The following PNPLA6 variants were observed in gnomAD, a reference collection of about 807,000 sequenced individuals.
PNPLA6 encodes patatin-like phospholipase domain-containing protein 6.
Under a neutral mutation model 153.7 loss-of-function variants are expected in PNPLA6, and 105 were observed. That is an observed-to-expected ratio of 0.68 (90% CI 0.58 to 0.80). PNPLA6 has a LOEUF of 0.80. Ranked by LOEUF, PNPLA6 falls within the 30% of genes least tolerant of loss-of-function variation. The pLI is 0.00. For missense variants in PNPLA6, 1,423 were observed against 1,919.3 expected (o/e 0.74, Z 4.83); for synonymous variants, 825 against 822.2 (o/e 1.00, Z -0.06).
At position 7,557,160 on chromosome 19, in the gene PNPLA6, C is replaced by G; in HGVS notation, c.3281-8C>G. 1 of 1,601,944 alleles carries G rather than the reference C, an allele frequency of 6.2e-7. No individual in the cohort carries two copies. The highest frequency in any genetic ancestry group is 2.2e-5 in the East Asian group (1 of 44,834). ...TGCGTGTTTGTGTCTGTGTGTCCCA[C>G]CGCGCAGGCTCCCTGTGGCGGTACG... On this transcript the variant is annotated splice_region_variant and splice_polypyrimidine_tract_variant and intron_variant, in intron 26 of 31. Coordinates refer to ENST00000600737, the MANE Select transcript of PNPLA6 (RefSeq NM_001166114.2).
Position 7,542,676 on chromosome 19 carries a change from G to T in PNPLA6, c.1362+6G>T, listed in dbSNP as rs1410225527. ...CCCTGGCAGCCCCCGCTCGGGTAAG[G>T]CTTGGGACCCTGCCCGGTGGTGGAG... is the stretch of plus-strand genomic sequence containing the variant. On this transcript the variant is annotated splice_donor_region_variant and intron_variant, in intron 11 of 31. Transcript: ENST00000600737. 2 of 1,612,830 alleles carry T rather than the reference G, an allele frequency of 1.2e-6. No homozygotes were observed. The highest frequency in any genetic ancestry group is 8.5e-7 in the Non-Finnish European group (1 of 1,179,738).
Position 7,541,274 on chromosome 19 carries a change from C to A in PNPLA6, c.925-80C>A. 7.6e-7 allele frequency: 1 copy of A among 1,321,358 alleles called. No individual in the cohort carries two copies. The highest frequency in any genetic ancestry group is 1.1e-6 in the Non-Finnish European group (1 of 932,366). 81.9% of individuals were successfully genotyped at this position (1,321,358 alleles called of 1,614,324 possible). ...CCTGGTTCCCGCCCGACCCCTTATG[C>A]TGCGAACTAGCCCGGCCCACCATCT... is the stretch of plus-strand genomic sequence containing the variant. On this transcript the variant is annotated intron_variant, in intron 7 of 31. Transcript: ENST00000600737. This position sits in a 1 kb window ranked among gnomAD's most constrained non-coding sequence, Gnocchi z 5.2.
At chr19:7,542,142 T>G (rs1156404026) in intron 10 of PNPLA6, 75 bp downstream of exon 10, 1 of 1,192,968 alleles carries the variant, frequency 8.4e-7, no homozygotes, top group Non-Finnish European at 1.2e-6. Context: ...CTGCCTGTCT[T>G]GATTGTTTTA....
At chr19:7,552,852 C>G (rs116049537) in intron 18 of PNPLA6, among the ~76,000 whole-genome samples, 63,642 of 150,464 alleles carry the variant, frequency 0.42, 14,127 homozygotes, top group South Asian at 0.56. Context: ...GGTCATCTTG[C>G]CGTGTGGCTG....
intron 18 of PNPLA6, 112 bp downstream of exon 18, chr19:7,551,549 A>G: frequency 2.1e-6 from 2 of 945,076 alleles, no homozygotes; most frequent in South Asian, 2.7e-5. Context: ...TTCCGCGAAG[A>G]AATCGTGCCC....
At chr19:7,548,837 C>T (rs1455449209) in intron 13 of PNPLA6, among the ~76,000 whole-genome samples, 2 of 142,706 alleles carry the variant, frequency 1.4e-5, no homozygotes, top group Non-Finnish European at 3.0e-5. Flanking sequence ...GAGTCTCGCT[C>T]AGTCGCCCAG....
upstream of PNPLA6, chr19:7,534,902 C>G (rs1476288838): frequency 6.2e-6 from 1 of 160,340 alleles, no homozygotes. Flanking sequence ...TCTTCTGAAA[C>G]GTGGGTATCA....
intron 13 of PNPLA6, among the ~76,000 whole-genome samples, chr19:7,544,641 C>T (rs1490039973): frequency 6.6e-6 from 1 of 152,018 alleles, no homozygotes; most frequent in Non-Finnish European, 1.5e-5. Flanking sequence ...ACTGGGACCC[C>T]AGCTCTGCCC....
At chr19:7,535,466 AT>A, upstream of PNPLA6, 1 of 1,409,642 alleles carries the variant, frequency 7.1e-7, no homozygotes, top group East Asian at 2.5e-5. This position sits in a 1 kb window ranked among gnomAD's most constrained non-coding sequence, Gnocchi z 5.0. Flanking sequence ...GTGGGCCCAG[AT>A]TGACGACTTG....
intron 24 of PNPLA6, 142 bp from the exon 25 acceptor site, chr19:7,556,311 C>T: frequency 1.3e-6 from 1 of 756,172 alleles, no homozygotes; most frequent in Non-Finnish European, 2.4e-6. Flanking sequence ...GATCTGCCCG[C>T]CTTGGCCTCC....
chr19:7,535,866 C>T lies in PNPLA6; in HGVS notation c.78C>T (p.Val26=), dbSNP rs762007910. The part of the protein sequence containing the change: ...KVAERDGFQD[V]LAPGEGSAGR... ...CGGAGAGGGATGGGTTCCAGGACGTCCTGGCGCCCGGGGAAGGCTCGGCGG... is the reference window on the plus strand; with the variant it reads ...CGGAGAGGGATGGGTTCCAGGACGTTCTGGCGCCCGGGGAAGGCTCGGCGG... The change falls in exon 1 of 32, where the codon GTC becomes GTT. Residue 26 remains valine (V), a synonymous_variant. Coordinates refer to ENST00000600737, the MANE Select transcript of PNPLA6 (RefSeq NM_001166114.2). The surrounding 1 kb of genome is among the most constrained non-coding windows in gnomAD (Gnocchi z 5.0). The T allele has an allele frequency of 2.1e-5, 32 of 1,540,294 alleles. No homozygotes were observed. The highest frequency in any genetic ancestry group is 4.1e-5 in the African/African-American group (3 of 73,406).
At chr19:7,554,059 G>GGGGGGGGGGGGC in intron 19 of PNPLA6, 44 bp downstream of exon 19, 1 of 1,534,078 alleles carries the variant, frequency 6.5e-7, no homozygotes, top group Non-Finnish European at 8.9e-7. Context: ...CGGTGGGTGG[G>GGGGGGGGGGGGC]ACATTAGTGA....
intron 14 of PNPLA6, 63 bp from the exon 15 acceptor site, chr19:7,550,221 CCCCAGATCTGGCCT>C (rs1335549726): frequency 1.9e-6 from 3 of 1,610,134 alleles, no homozygotes; most frequent in Non-Finnish European, 2.5e-6. Context: ...AGAAGGGAGC[CCCCAGATCTGGCCT>C]CCCAGCGCCG....
At position 7,561,090 on chromosome 19, in the gene PNPLA6, T is replaced by C; in HGVS notation, c.3893T>C (p.Val1298Ala). 6.2e-7 allele frequency: 1 copy of C among 1,612,498 alleles called. No individual in the cohort carries two copies. Among genetic ancestry groups the C allele is most frequent in the Non-Finnish European group, 8.5e-7 (1 of 1,179,552 alleles). The part of the protein sequence containing the change: ...VSRIEPPTSY[V>A]SDGCADGEES... ...CGGATTGAGCCCCCCACGAGCTATG[T>C]CTCTGATGGCTGTGCTGACGGTGAG... Residue 1298 changes from valine to alanine, a missense_variant, in exon 30 of 32, where the codon GTC (valine) becomes GCC (alanine). This residue lies in a region of PNPLA6 where 643 missense variants were observed against 835.2 expected (regional missense o/e 0.77). Coordinates refer to ENST00000600737, the MANE Select transcript of PNPLA6 (RefSeq NM_001166114.2).
At position 7,549,204 on chromosome 19, in the gene PNPLA6, T is replaced by G. The variant is rs1236037604; in HGVS notation, c.1609-703T>G. ...TTTCTTTTTTTTCTTTTTTTTTTTT[T>G]GAGACGGAGTCTCGCTCTGTCGCCC... On this transcript the variant is annotated intron_variant, in intron 13 of 31. Coordinates refer to ENST00000600737, the MANE Select transcript of PNPLA6 (RefSeq NM_001166114.2). Among the ~76,000 whole-genome samples the G allele has an allele frequency of 2.1e-5, 3 of 141,444 alleles. No homozygotes were observed. The Admixed American group carries it at 2.1e-4, about 10-fold the overall frequency. The allele number at this position is 141,444 out of a possible 152,430, so 92.8% of individuals were successfully genotyped here.
Position 7,561,201 on chromosome 19 carries a change from A to G in PNPLA6, c.3914-7A>G. 6.2e-7 allele frequency: 1 copy of G among 1,604,810 alleles called. No individual in the cohort carries two copies. The highest frequency in any genetic ancestry group is 8.5e-7 in the Non-Finnish European group (1 of 1,175,532). ...CCCCTCACCTGTGCCCTGCTCCCCG[A>G]TTCCAGGAGAGGAGTCAGATTGTCT... On this transcript the variant is annotated splice_region_variant and splice_polypyrimidine_tract_variant and intron_variant, in intron 30 of 31. Coordinates refer to ENST00000600737, the MANE Select transcript of PNPLA6 (RefSeq NM_001166114.2).
At chr19:7,536,352 C>T in intron 2 of PNPLA6, 79 bp downstream of exon 2, 1 of 1,412,758 alleles carries the variant, frequency 7.1e-7, no homozygotes, top group Non-Finnish European at 1.0e-6. Context: ...TTAGTGTCCG[C>T]CACCGCTCCT....
chr19:7,554,700 G>A lies in PNPLA6; in HGVS notation c.2611G>A (p.Asp871Asn). 1 of 1,613,548 alleles carries A rather than the reference G, an allele frequency of 6.2e-7. No homozygotes were observed. Among genetic ancestry groups the A allele is most frequent in the Non-Finnish European group, 8.5e-7 (1 of 1,179,970 alleles). Reference sequence around the variant, plus strand: ...CTGCATCCTCATTGTGGGCCTGGGGGACCAGGAGCCTACCCTCGGCCAGGT... The same window carrying A: ...CTGCATCCTCATTGTGGGCCTGGGGAACCAGGAGCCTACCCTCGGCCAGGT... ...ADCILIVGLG[D>N]QEPTLGQLEQ... Residue 871 changes from aspartate to asparagine, a missense_variant, in exon 21 of 32, where the codon GAC becomes AAC. Physicochemically the swap from Asp to Asn is conservative, Grantham distance 23 (BLOSUM62 1). This residue lies in a region of PNPLA6 where 643 missense variants were observed against 835.2 expected (regional missense o/e 0.77). Transcript: ENST00000600737.
In PNPLA6 at chr19:7,561,281, CCCCGA is replaced by C. The variant is rs1209588849; in HGVS notation, c.3988_3992del (p.Pro1330GlyfsTer91). The C allele has an allele frequency of 6.2e-7, 1 of 1,609,308 alleles. No individual in the cohort carries two copies. The highest frequency in any genetic ancestry group is 1.7e-5 in the Admixed American group (1 of 59,234). ...ACTGCTCGAGGGATGAAGGGGGGTC[CCCCGA>C]GGGCGCAAGCCCCAGCACTGCCTCC... On this transcript the variant is annotated frameshift_variant, in exon 31 of 32. Transcript: ENST00000600737. LOFTEE classifies it high-confidence loss of function.
Sources: gnomAD v4.1 joint callset for allele counts (sites outside exome capture counted in the v4.1 genomes callset) on GRCh38, gnomAD v4.1.1 for gene constraint, gnomAD v4.1.1 regional missense constraint, Gnocchi (gnomAD v3.1) non-coding constraint, MANE v1.5 for transcripts, NCBI Gene and HGNC (gene_info 2026-07-23, HGNC 2026-07-21) for gene names.